Variants in CUX2 observed in about 807,000 individuals in gnomAD.
The protein encoded by CUX2 is homeobox protein cut-like 2.
In CUX2, 40 loss-of-function variants were observed where a neutral mutation model predicts 144.8. That is an observed-to-expected ratio of 0.28 (90% confidence interval 0.21 to 0.36). CUX2 has a LOEUF of 0.36. Among genes scored for constraint, CUX2 ranks in the 10% least tolerant of loss-of-function variants. The probability of loss-of-function intolerance (pLI) is 1.00; values close to 1 mark genes in which losing one functional copy is unlikely to be tolerated. For synonymous variants in CUX2, 827 were observed against 875.6 expected (o/e 0.94, Z 0.98); for missense variants, 1,615 against 1,994.0 (o/e 0.81, Z 3.62).
chr12:111,325,006 C>G (rs535084656), intron 18 of CUX2, among the ~76,000 whole-genome samples: 2 of 151,488 alleles, frequency 1.3e-5, no homozygotes, highest in African/African-American at 4.9e-5. Flanking sequence ...GCCATGCTGG[C>G]CGGGTGGGGT....
intron 1 of CUX2, among the ~76,000 whole-genome samples, chr12:111,196,418 C>T (rs1880247785): frequency 6.6e-6 from 1 of 152,172 alleles, no homozygotes; most frequent in African/African-American, 2.4e-5. Context: ...TAAGAAACTG[C>T]CAAACTGTTT....
At chr12:111,157,971 G>A (rs1170271810) in intron 1 of CUX2, among the ~76,000 whole-genome samples, 4 of 152,110 alleles carry the variant, frequency 2.6e-5, no homozygotes, top group Non-Finnish European at 4.4e-5. Context: ...AATTGTTTAG[G>A]AATCAGTAAA....
chr12:111,211,534 C>T (rs914902204), intron 1 of CUX2, among the ~76,000 whole-genome samples: 3 of 152,192 alleles, frequency 2.0e-5, no homozygotes, highest in Admixed American at 1.3e-4. Context: ...TTCACCCCCA[C>T]CAGGTATATT....
chr12:111,193,819 G>T (rs1370098650), intron 1 of CUX2, among the ~76,000 whole-genome samples: 2 of 152,236 alleles, frequency 1.3e-5, no homozygotes, highest in African/African-American at 4.8e-5. Flanking sequence ...CAAAGGGCAT[G>T]CGCAGACAGG....
At position 111,306,966 on chromosome 12, in the gene CUX2, G is replaced by T. The variant is rs199624287; in HGVS notation, c.904G>T (p.Ala302Ser). ...GTGCTCGGGCCCTCGGCTGGAGGCC[G>T]CGCTGGCCTCCAAGGACAGGGAGAT... ...TLCSGPRLEAALASKDREILR... is the reference protein window; with the variant it reads ...TLCSGPRLEASLASKDREILR... The change falls in exon 11 of 22, where the codon GCG (alanine) becomes TCG (serine). Residue 302 changes from alanine (A) to serine (S), a missense_variant. This residue lies in a region of CUX2 where 295 missense variants were observed against 400.2 expected (regional missense o/e 0.74). Transcript: ENST00000261726. The T allele has an allele frequency of 6.2e-7, 1 of 1,613,300 alleles. No individual in the cohort carries two copies. The highest frequency in any genetic ancestry group is 8.5e-7 in the Non-Finnish European group (1 of 1,179,664).
intron 1 of CUX2, among the ~76,000 whole-genome samples, chr12:111,046,891 A>C (rs1870021528): frequency 1.3e-5 from 2 of 152,168 alleles, no homozygotes; most frequent in Admixed American, 6.5e-5. Context: ...TCGTGACCTC[A>C]TGTGATCTGC....
At chr12:111,158,981 G>A (rs1877568389) in intron 1 of CUX2, among the ~76,000 whole-genome samples, 1 of 152,114 alleles carries the variant, frequency 6.6e-6, no homozygotes, top group African/African-American at 2.4e-5. Context: ...ACACAGAGGG[G>A]CGCAGGAAAT....
At chr12:111,324,547 C>T (rs984255705) in intron 18 of CUX2, among the ~76,000 whole-genome samples, 2 of 151,710 alleles carry the variant, frequency 1.3e-5, no homozygotes, top group African/African-American at 4.8e-5. Context: ...GTTGCCCAGG[C>T]TGGAGTGCAA....
chr12:111,045,135 G>A (rs1185129640), intron 1 of CUX2, among the ~76,000 whole-genome samples: 2 of 152,194 alleles, frequency 1.3e-5, no homozygotes, highest in Admixed American at 1.3e-4. Flanking sequence ...CTGATTCCCA[G>A]GCCCACTGGA....
chr12:111,142,532 A>G (rs1876393926), intron 1 of CUX2, among the ~76,000 whole-genome samples: 1 of 131,848 alleles, frequency 7.6e-6, no homozygotes, highest in African/African-American at 4.3e-5. Flanking sequence ...AGGGAAGGAA[A>G]AAAAAAAAAA....
intron 1 of CUX2, among the ~76,000 whole-genome samples, chr12:111,211,708 A>T (rs1481396764): frequency 1.3e-5 from 2 of 151,888 alleles, no homozygotes; most frequent in East Asian, 3.9e-4. Context: ...ACACGGTGAA[A>T]CCCTGTCTCT....
intron 1 of CUX2, among the ~76,000 whole-genome samples, chr12:111,104,132 A>G (rs1873441177): frequency 6.6e-6 from 1 of 152,020 alleles, no homozygotes; most frequent in Non-Finnish European, 1.5e-5. Context: ...TGTTGTCTGC[A>G]TTTTCTCTCT....
At chr12:111,121,101 CA>C (rs768230942) in intron 1 of CUX2, among the ~76,000 whole-genome samples, 7,476 of 81,578 alleles carry the variant, frequency 0.092, 453 homozygotes, top group African/African-American at 0.2. Context: ...GTTGTTACCA[CA>C]AAAAAAAAAA....
At position 111,298,881 on chromosome 12, in the gene CUX2, G is replaced by A. The variant is rs1249089348; in HGVS notation, c.753+292G>A. Among the ~76,000 whole-genome samples the A allele has an allele frequency of 2.6e-5, 4 of 152,292 alleles. No homozygotes were observed. In the South Asian group the frequency reaches 6.2e-4, roughly 24 times the overall value. The stretch of plus-strand genomic sequence containing the variant: ...CAGGAAGGGGCCGCTGACCCAGACT[G>A]CGGGAGTCCAGGAAGACGTCCTAGA... On this transcript the variant is annotated intron_variant, in intron 9 of 21. Transcript: ENST00000261726.
At chr12:111,196,594 G>A (rs1880256002) in intron 1 of CUX2, among the ~76,000 whole-genome samples, 1 of 152,042 alleles carries the variant, frequency 6.6e-6, no homozygotes, top group South Asian at 2.1e-4. Flanking sequence ...CAGGTGGGGG[G>A]CATACAACAA....
chr12:111,091,938 C>T (rs1037874093), intron 1 of CUX2, among the ~76,000 whole-genome samples: 5 of 152,254 alleles, frequency 3.3e-5, no homozygotes, highest in Non-Finnish European at 7.3e-5. Context: ...GATATGCTCT[C>T]ATCTTAACAT....
intron 1 of CUX2, among the ~76,000 whole-genome samples, chr12:111,198,758 A>G (rs1465751179): frequency 6.6e-6 from 1 of 152,160 alleles, no homozygotes; most frequent in Non-Finnish European, 1.5e-5. Context: ...ATGGGGAGGG[A>G]TTGCAGGCTG....
chr12:111,070,398 TTCCTTCCTTCC>T (rs1871209195), intron 1 of CUX2, among the ~76,000 whole-genome samples: 1 of 594 alleles, frequency 1.7e-3, no homozygotes, highest in Non-Finnish European at 6.8e-3. Flanking sequence ...CCTTCTTTCC[TTCCTTCCTTCC>T]TTCCTTCCTT....
intron 1 of CUX2, among the ~76,000 whole-genome samples, chr12:111,112,162 G>A (rs1159353091): frequency 1.3e-5 from 2 of 150,818 alleles, no homozygotes; most frequent in Non-Finnish European, 2.9e-5. Flanking sequence ...GAGTGGCTCA[G>A]TGAGTTTTGC....
Sources: gnomAD v4.1 joint callset for allele counts (sites outside exome capture counted in the v4.1 genomes callset) on GRCh38, gnomAD v4.1.1 for gene constraint, gnomAD v4.1.1 regional missense constraint, MANE v1.5 for transcripts, NCBI Gene and HGNC (gene_info 2026-07-23, HGNC 2026-07-21) for gene names.